MID2: variants seen among roughly 807,000 people sequenced by gnomAD.
MID2 encodes midline 2, also known as probable E3 ubiquitin-protein ligase MID2.
A neutral mutation model predicts 46.1 loss-of-function variants in MID2; 13 were observed. The ratio of observed to expected loss-of-function variants is 0.28; its 90% CI spans 0.18 to 0.45. The LOEUF is 0.45. Among genes scored for constraint, MID2 ranks in the 20% least tolerant of loss-of-function variants. The pLI, the probability that MID2 is intolerant of heterozygous loss-of-function variation, is 1.00. For synonymous variants in MID2, 199 were observed against 212.3 expected (o/e 0.94, Z 0.55); for missense variants, 431 against 575.4 (o/e 0.75, Z 2.57).
At chrX:107,827,559 C>G (rs1930983875) in intron 1 of MID2, among the ~76,000 whole-genome samples, 1 of 111,757 alleles carries the variant, frequency 8.9e-6, no homozygotes, top group African/African-American at 3.3e-5. Context: ...GTTGATCCCT[C>G]TGATTCTCAA....
chrX:107,851,682 A>C (rs375552860), intron 2 of MID2, among the ~76,000 whole-genome samples: 15 of 109,361 alleles, frequency 1.4e-4, no homozygotes, highest in African/African-American at 2.7e-4. Context: ...ACAACAACAA[A>C]AACAAACAAA....
intron 5 of MID2, among the ~76,000 whole-genome samples, chrX:107,906,543 A>G (rs867976363): frequency 4.6e-4 from 51 of 112,022 alleles, no homozygotes; most frequent in African/African-American, 1.6e-3. Context: ...AAAACATGCC[A>G]GTTTTTAACT....
rs1280081340 is a variant in MID2 at position 107,929,166 on chromosome X, A to C, written c.*2093A>C. Reference sequence around the variant, plus strand: ...ATTTCCTAAGTGTGCCATAAATATTAATCTCTTTCCTTACTCCCAGCTCCA... The same window carrying C: ...ATTTCCTAAGTGTGCCATAAATATTCATCTCTTTCCTTACTCCCAGCTCCA... On this transcript the variant is annotated 3_prime_UTR_variant, in exon 10 of 10. Transcript: ENST00000262843. Among the ~76,000 whole-genome samples, 1 of 111,818 alleles carries C rather than the reference A, an allele frequency of 8.9e-6. No individual in the cohort carries two copies. Among genetic ancestry groups the C allele is most frequent in the Non-Finnish European group, 1.9e-5 (1 of 53,053 alleles).
intron 2 of MID2, among the ~76,000 whole-genome samples, chrX:107,847,823 G>T (rs1199572990): frequency 3.6e-5 from 4 of 111,363 alleles, no homozygotes; most frequent in African/African-American, 1.3e-4. Flanking sequence ...GTTATGAGAT[G>T]GTGTGGTAAG....
At chrX:107,826,723 G>A (rs1205612769) in intron 1 of MID2, among the ~76,000 whole-genome samples, 3 of 113,213 alleles carry the variant, frequency 2.6e-5, no homozygotes, top group Non-Finnish European at 3.8e-5. Context: ...CCTCTGCGCA[G>A]CCTGGCCGGG....
intron 2 of MID2, among the ~76,000 whole-genome samples, chrX:107,850,728 A>G (rs1931593653): frequency 8.9e-6 from 1 of 112,247 alleles, no homozygotes; most frequent in Admixed American, 9.4e-5. Context: ...CAAGGCGCAT[A>G]GTCTAACTAG....
chrX:107,861,256 A>G (rs191788682), intron 3 of MID2, among the ~76,000 whole-genome samples: 1 of 112,047 alleles, frequency 8.9e-6, no homozygotes, highest in African/African-American at 3.2e-5. Context: ...GTCATCTTTG[A>G]GGGAGAAGGT....
chrX:107,925,869 T>C (rs1168141513), intron 8 of MID2, among the ~76,000 whole-genome samples: 1 of 110,124 alleles, frequency 9.1e-6, no homozygotes, highest in Non-Finnish European at 1.9e-5. Context: ...TAAACGCCGT[T>C]ATGAAGGTCG....
intron 3 of MID2, among the ~76,000 whole-genome samples, chrX:107,859,729 T>C (rs773965609): frequency 8.9e-6 from 1 of 112,455 alleles, no homozygotes; most frequent in South Asian, 3.7e-4. Context: ...ATGAGTTATC[T>C]TGAAATAAGA....
intron 5 of MID2, among the ~76,000 whole-genome samples, chrX:107,909,425 G>A (rs970254452): frequency 8.9e-6 from 1 of 111,755 alleles, no homozygotes; most frequent in African/African-American, 3.3e-5. Context: ...GCATGCATTT[G>A]TTGATCAGTA....
chrX:107,856,960 A>G (rs1251014469), intron 3 of MID2, among the ~76,000 whole-genome samples: 1 of 112,190 alleles, frequency 8.9e-6, no homozygotes, highest in Non-Finnish European at 1.9e-5. Flanking sequence ...TATGCCTGGC[A>G]TTGTACCAGG....
chrX:107,919,903 C>G (rs1327604178), intron 7 of MID2, among the ~76,000 whole-genome samples: 1 of 112,019 alleles, frequency 8.9e-6, no homozygotes. Context: ...GAATTTATCC[C>G]TAGTACATTT....
intron 3 of MID2, among the ~76,000 whole-genome samples, chrX:107,855,946 G>T (rs759366879): frequency 8.9e-6 from 1 of 112,006 alleles, no homozygotes; most frequent in South Asian, 3.8e-4. Context: ...GGAATGAAAA[G>T]AAAGAGCACT....
intron 3 of MID2, among the ~76,000 whole-genome samples, chrX:107,882,354 T>C (rs963764242): frequency 3.6e-5 from 4 of 111,429 alleles, no homozygotes; most frequent in African/African-American, 1.3e-4. Context: ...AATTGACAAA[T>C]GGGATCTAAT....
Position 107,924,465 on chromosome X carries a change from G to T in MID2, c.1558G>T (p.Gly520Cys). 8.3e-7 allele frequency: 1 copy of T among 1,211,438 alleles called. No individual in the cohort carries two copies. Among genetic ancestry groups the T allele is most frequent in the South Asian group, 1.8e-5 (1 of 56,978 alleles). ...CATCGTTAAAGCCATAAACCAAGCC[G>T]GCAGCCGGAACAGTGAACCTACCCG... is the stretch of plus-strand genomic sequence containing the variant. ...IFIVKAINQA[G>C]SRNSEPTRLK... Residue 520 changes from glycine (G) to cysteine (C), a missense_variant, in exon 8 of 10, where the codon GGC (glycine) becomes TGC (cysteine). Physicochemically the swap from Gly to Cys is radical, Grantham distance 159. Transcript: ENST00000262843.
chrX:107,881,534 A>G (rs952495705), intron 3 of MID2, among the ~76,000 whole-genome samples: 4 of 111,993 alleles, frequency 3.6e-5, no homozygotes, highest in African/African-American at 1.3e-4. Flanking sequence ...TTTCTGAGAT[A>G]CTGAAATTCA....
At chrX:107,883,504 T>A (rs967096943) in intron 3 of MID2, among the ~76,000 whole-genome samples, 1 of 112,311 alleles carries the variant, frequency 8.9e-6, no homozygotes, top group Non-Finnish European at 1.9e-5. Flanking sequence ...TGTTTAAAAT[T>A]GCAATAGTAA....
At chrX:107,915,521 G>C (rs1397084050) in intron 5 of MID2, among the ~76,000 whole-genome samples, 2 of 109,444 alleles carry the variant, frequency 1.8e-5, no homozygotes, top group African/African-American at 6.7e-5. Flanking sequence ...TGGCGCCACT[G>C]CACTGCAACC....
At position 107,926,288 on chromosome X, in the gene MID2, G is replaced by A. The variant is rs1301440175; in HGVS notation, c.1792G>A (p.Gly598Ser). 3 of 1,206,445 alleles carry A rather than the reference G, an allele frequency of 2.5e-6. No individual in the cohort carries two copies. The South Asian group carries it at 5.3e-5, about 21-fold the overall frequency. Residue 598 changes from glycine (G) to serine (S), a missense_variant, in exon 9 of 10, where the codon GGT becomes AGT. By Grantham distance (56) the Gly-to-Ser change is moderately conservative (BLOSUM62 0). Coordinates refer to ENST00000262843, the MANE Select transcript of MID2 (RefSeq NM_012216.4). ...SGCHYWEVVM[G>S]SSTWYAIGIA... is the part of the protein sequence containing the mutation. ...CTGCCACTATTGGGAGGTGGTCATG[G>A]GTTCCTCAACATGGTGAGTGGATCC...
Sources: gnomAD v4.1 joint callset for allele counts (sites outside exome capture counted in the v4.1 genomes callset) on GRCh38, gnomAD v4.1.1 for gene constraint, MANE v1.5 for transcripts, NCBI Gene and HGNC (gene_info 2026-07-23, HGNC 2026-07-21) for gene names.